Variants in NHS observed in about 807,000 individuals in gnomAD.
NHS encodes NHS actin remodeling regulator.
Under a neutral mutation model 72.5 loss-of-function variants are expected in NHS, and 5 were observed. That is an observed-to-expected ratio of 0.07 (90% CI 0.04 to 0.14). The LOEUF is 0.14. Ranked by LOEUF, NHS falls within the 10% of genes least tolerant of loss-of-function variation. NHS has a pLI of 1.00. For missense variants in NHS, 1,072 were observed against 1,355.7 expected, an observed-to-expected ratio of 0.79 and a Z score of 3.29; for synonymous variants, 464 against 547.7, an observed-to-expected ratio of 0.85 and a Z score of 2.13.
At chrX:17,649,025 G>A (rs1210223539) in intron 1 of NHS, among the ~76,000 whole-genome samples, 1 of 111,805 alleles carries the variant, frequency 8.9e-6, no homozygotes, top group African/African-American at 3.3e-5. Flanking sequence ...TTGTGAAATC[G>A]GTGTGTAGTG....
chrX:17,600,082 G>T (rs773369836), intron 1 of NHS, among the ~76,000 whole-genome samples: 2 of 111,741 alleles, frequency 1.8e-5, no homozygotes, highest in African/African-American at 6.5e-5. Flanking sequence ...TCTGGGCTGG[G>T]CAGCTAGTAC....
In NHS at chrX:17,552,990, C is replaced by T. The variant is rs184379700; in HGVS notation, c.566-134752C>T. Among the ~76,000 whole-genome samples the T allele has an allele frequency of 2.1e-4, 24 of 112,871 alleles. No individual in the cohort carries two copies. The East Asian group carries it at 6.2e-3, about 29-fold the overall frequency. On this transcript the variant is annotated intron_variant, in intron 1 of 8. Coordinates refer to ENST00000676302, the MANE Select transcript of NHS (RefSeq NM_001291867.2). ...GTTCTCACAGCTTTCAGCTCTTGGG[C>T]GACCAACTCATCCTGGTTTGCCCAG...
At chrX:17,532,138 A>G (rs925842307) in intron 1 of NHS, among the ~76,000 whole-genome samples, 1 of 111,338 alleles carries the variant, frequency 9.0e-6, no homozygotes, top group Non-Finnish European at 1.9e-5. Context: ...CTCCTAAAAT[A>G]TGACACTGGA....
chrX:17,404,054 G>A, intron 1 of NHS, among the ~76,000 whole-genome samples: 1 of 112,496 alleles, frequency 8.9e-6, no homozygotes, highest in East Asian at 2.8e-4. Flanking sequence ...TGCTAATGCT[G>A]TAGTAAAAAT....
intron 1 of NHS, among the ~76,000 whole-genome samples, chrX:17,402,841 G>T (rs1476114535): frequency 1.8e-5 from 2 of 112,082 alleles, no homozygotes; most frequent in African/African-American, 6.5e-5. Context: ...CAAGAGTAGA[G>T]GGTATTAGGG....
chrX:17,426,679 C>T (rs1214917306), intron 1 of NHS, among the ~76,000 whole-genome samples: 1 of 112,122 alleles, frequency 8.9e-6, no homozygotes, highest in African/African-American at 3.2e-5. Flanking sequence ...TTCACAGTGA[C>T]CAGCTGAGCT....
At chrX:17,455,722 G>A (rs1290687014) in intron 1 of NHS, among the ~76,000 whole-genome samples, 1 of 112,294 alleles carries the variant, frequency 8.9e-6, no homozygotes, top group Non-Finnish European at 1.9e-5. Flanking sequence ...CACGGTAGTG[G>A]ATTTACTGGA....
intron 1 of NHS, among the ~76,000 whole-genome samples, chrX:17,580,018 C>T (rs1347624322): frequency 9.0e-6 from 1 of 110,753 alleles, no homozygotes; most frequent in Admixed American, 9.6e-5. Context: ...GTCTCACATC[C>T]CCCCATTTCT....
intron 1 of NHS, among the ~76,000 whole-genome samples, chrX:17,378,779 A>G (rs755917005): frequency 8.9e-6 from 1 of 112,062 alleles, no homozygotes; most frequent in Non-Finnish European, 1.9e-5. Flanking sequence ...TGGAGTATTT[A>G]TGCACCAGCT....
chrX:17,473,538 GTTA>G (rs1187328250), intron 1 of NHS, among the ~76,000 whole-genome samples: 1 of 112,178 alleles, frequency 8.9e-6, no homozygotes, highest in Non-Finnish European at 1.9e-5. Context: ...GTTTGATTCA[GTTA>G]TTGGAAAAGT....
chrX:17,518,542 A>G (rs972800752), intron 1 of NHS, among the ~76,000 whole-genome samples: 2 of 111,728 alleles, frequency 1.8e-5, no homozygotes, highest in African/African-American at 6.5e-5. Flanking sequence ...GACATACTGT[A>G]ACAGCAATTC....
At chrX:17,449,599 A>G (rs1186776584) in intron 1 of NHS, among the ~76,000 whole-genome samples, 3 of 112,154 alleles carry the variant, frequency 2.7e-5, no homozygotes, top group Non-Finnish European at 3.8e-5. Context: ...TATCTCAATT[A>G]AAAAGTACAT....
chrX:17,450,168 C>G (rs1336250409), intron 1 of NHS, among the ~76,000 whole-genome samples: 1 of 111,548 alleles, frequency 9.0e-6, no homozygotes, highest in Non-Finnish European at 1.9e-5. Flanking sequence ...TGGGACACTA[C>G]GTACCAGGAT....
chrX:17,572,135 G>A (rs74459816), intron 1 of NHS, among the ~76,000 whole-genome samples: 22,091 of 111,036 alleles, frequency 0.2, 4,836 homozygotes, highest in African/African-American at 0.65. Flanking sequence ...AGAAGAATGT[G>A]TATTCTGTTG....
intron 3 of NHS, among the ~76,000 whole-genome samples, chrX:17,716,512 A>ACTT (rs990408826): frequency 5.4e-5 from 6 of 110,954 alleles, no homozygotes; most frequent in Non-Finnish European, 7.5e-5. Flanking sequence ...CTTACTTGAG[A>ACTT]CTTCCACATC....
chrX:17,493,078 A>G (rs968456230), intron 1 of NHS, among the ~76,000 whole-genome samples: 1 of 111,721 alleles, frequency 9.0e-6, no homozygotes, highest in African/African-American at 3.3e-5. Context: ...ATGGAACAAT[A>G]TGATGAACCT....
intron 1 of NHS, among the ~76,000 whole-genome samples, chrX:17,623,573 AG>A: frequency 9.0e-6 from 1 of 111,528 alleles, no homozygotes; most frequent in Non-Finnish European, 1.9e-5. Flanking sequence ...CGGTCTTCCA[AG>A]AGGCCTTCAC....
At chrX:17,600,286 CAGAGAGAGAG>C (rs113777136) in intron 1 of NHS, among the ~76,000 whole-genome samples, 4 of 101,340 alleles carry the variant, frequency 3.9e-5, no homozygotes, top group African/African-American at 1.1e-4. Context: ...CAGAGAGAGA[CAGAGAGAGAG>C]AGAGAGAGAG....
At chrX:17,414,354 G>T in intron 1 of NHS, among the ~76,000 whole-genome samples, 1 of 112,285 alleles carries the variant, frequency 8.9e-6, no homozygotes, top group Admixed American at 9.4e-5. Context: ...AGGTACAGTT[G>T]TGCATTCATA....
Sources: gnomAD v4.1 joint callset for allele counts (sites outside exome capture counted in the v4.1 genomes callset) on GRCh38, gnomAD v4.1.1 for gene constraint, MANE v1.5 for transcripts, NCBI Gene and HGNC (gene_info 2026-07-23, HGNC 2026-07-21) for gene names.